GANC: variants seen among roughly 807,000 people sequenced by gnomAD.
GANC encodes the protein glucosidase alpha, neutral C, also known as neutral alpha-glucosidase C.
Under a neutral mutation model 124.2 loss-of-function variants are expected in GANC, and 117 were observed. The ratio of observed to expected loss-of-function variants is 0.94; its 90% CI spans 0.81 to 1.10. GANC has a LOEUF of 1.10. Ranked by LOEUF, GANC falls within the 50% of genes least tolerant of loss-of-function variation. The pLI is 0.00. For synonymous variants in GANC, 377 were observed against 376.8 expected, an observed-to-expected ratio of 1.00 and a Z score of -0.01; for missense variants, 1,140 against 1,095.0, an observed-to-expected ratio of 1.04 and a Z score of -0.58.
chr15:42,317,830 A>G (rs2052121764), intron 10 of GANC, among the ~76,000 whole-genome samples: 1 of 151,946 alleles, frequency 6.6e-6, no homozygotes, highest in Admixed American at 6.5e-5. Context: ...GCTACATTCA[A>G]CATTGTTATT....
At chr15:42,324,896 A>G (rs1454722865) in intron 11 of GANC, among the ~76,000 whole-genome samples, 1 of 152,158 alleles carries the variant, frequency 6.6e-6, no homozygotes, top group Non-Finnish European at 1.5e-5. Flanking sequence ...GACTGTACAT[A>G]CTTAACAGTA....
rs142331307 is a variant in GANC, at chr15:42,321,843, T to G, written c.1116T>G (p.Tyr372Ter). ...SLGYHQCRWNYEDEQDVKAVD... is the reference protein window; with the variant it reads ...SLGYHQCRWN ...GATACCACCAGTGCCGCTGGAACTATGAAGATGAGCAGGATGTAAAAGCAG... is the reference window on the plus strand; with the variant it reads ...GATACCACCAGTGCCGCTGGAACTAGGAAGATGAGCAGGATGTAAAAGCAG... The change falls in exon 11 of 24, where the codon TAT (tyrosine) becomes TAG (stop). Residue 372 changes from tyrosine to a stop codon, truncating the protein, a stop_gained. Coordinates refer to ENST00000318010, the MANE Select transcript of GANC (RefSeq NM_198141.3). LOFTEE classifies it high-confidence loss of function. 1.2e-6 allele frequency: 2 copies of G among 1,614,086 alleles called. No individual in the cohort carries two copies. Among genetic ancestry groups the G allele is most frequent in the African/African-American group, 2.7e-5 (2 of 74,944 alleles).
At chr15:42,303,633 T>C (rs556523167) in intron 6 of GANC, among the ~76,000 whole-genome samples, 1 of 114,196 alleles carries the variant, frequency 8.8e-6, no homozygotes, top group South Asian at 2.6e-4. Flanking sequence ...GAGACACCCA[T>C]AGGCTCAAAA....
rs2052458279 is a variant in GANC, at chr15:42,352,521, G to A, written c.*382G>A. On this transcript the variant is annotated 3_prime_UTR_variant, in exon 24 of 24. Coordinates refer to ENST00000318010, the MANE Select transcript of GANC (RefSeq NM_198141.3). ...TTGCCTCAGGCCATGCAGCATTGGC[G>A]CTCTGGCTGCAGCAGCTGAGTTGCT... 1.4e-5 allele frequency: 15 copies of A among 1,036,348 alleles called. No individual in the cohort carries two copies. Among genetic ancestry groups the A allele is most frequent in the Middle Eastern group, 4.8e-4 (1 of 2,088 alleles). The allele number at this position is 1,036,348 out of a possible 1,614,324, so 64.2% of individuals were successfully genotyped here.
At chr15:42,326,531 G>T (rs2052200083) in intron 12 of GANC, 107 bp downstream of exon 12, 2 of 1,536,528 alleles carry the variant, frequency 1.3e-6, no homozygotes, top group Non-Finnish European at 1.8e-6. Flanking sequence ...TGCTCCTCTA[G>T]CTACATTTTA....
At chr15:42,313,888 G>A in intron 10 of GANC, 1 of 579,676 alleles carries the variant, frequency 1.7e-6, no homozygotes. Context: ...CCAGAGAAAG[G>A]CTGCAGTAAG....
At chr15:42,283,743 A>G (rs1419578911) in intron 3 of GANC, 2 of 702,388 alleles carry the variant, frequency 2.8e-6, no homozygotes, top group East Asian at 2.7e-5. Context: ...GCTTTGCCCA[A>G]CCAGCCACCT....
Position 42,352,542 on chromosome 15 carries a change from T to G in GANC, c.*403T>G. ...TGGCGCTCTGGCTGCAGCAGCTGAG[T>G]TGCTCAAGGCCAGTGTCCAAGTGGA... On this transcript the variant is annotated 3_prime_UTR_variant, in exon 24 of 24. Transcript: ENST00000318010. 1 of 1,031,556 alleles carries G rather than the reference T, an allele frequency of 9.7e-7. No individual in the cohort carries two copies. The highest frequency in any genetic ancestry group is 1.7e-5 in the African/African-American group (1 of 59,274). 63.9% of individuals were successfully genotyped at this position (1,031,556 alleles called of 1,614,324 possible).
In GANC at chr15:42,330,650, C is replaced by G; in HGVS notation, c.1719C>G (p.Phe573Leu). ...GACCCTTTGTTCTTACACGTTCTTTCTTTGCTGGATCACAAAAGTATGGTA... is the reference window on the plus strand; with the variant it reads ...GACCCTTTGTTCTTACACGTTCTTTGTTTGCTGGATCACAAAAGTATGGTA... ...KERPFVLTRS[F>L]FAGSQKYGAV... Residue 573 changes from phenylalanine (F) to leucine (L), a missense_variant, in exon 15 of 24, where the codon TTC (phenylalanine) becomes TTG (leucine). Phe to Leu is a conservative substitution (Grantham distance 22, BLOSUM62 0). Coordinates refer to ENST00000318010, the MANE Select transcript of GANC (RefSeq NM_198141.3). The G allele has an allele frequency of 6.2e-7, 1 of 1,607,496 alleles. No homozygotes were observed. Among genetic ancestry groups the G allele is most frequent in the Non-Finnish European group, 8.5e-7 (1 of 1,178,184 alleles).
At chr15:42,280,881 T>G (rs771995425) in intron 3 of GANC, 2 of 693,416 alleles carry the variant, frequency 2.9e-6, no homozygotes, top group South Asian at 3.0e-5. Context: ...GTTTCTCTTT[T>G]TGGATCCTGA....
chr15:42,328,739 A>G (rs2052216607), intron 13 of GANC, among the ~76,000 whole-genome samples: 3 of 152,246 alleles, frequency 2.0e-5, no homozygotes, highest in Admixed American at 1.3e-4. Flanking sequence ...AGAAAAGACC[A>G]GGGATTCTAC....
intron 6 of GANC, among the ~76,000 whole-genome samples, chr15:42,302,276 C>T (rs8040554): frequency 2.9e-3 from 442 of 152,188 alleles, no homozygotes; most frequent in African/African-American, 9.7e-3. Flanking sequence ...ACTGTTAGAA[C>T]GAAAACTAAC....
At chr15:42,342,599 AAAAAAG>A (rs1566961624) in intron 18 of GANC, among the ~76,000 whole-genome samples, 2 of 151,900 alleles carry the variant, frequency 1.3e-5, no homozygotes, top group African/African-American at 2.4e-5. Flanking sequence ...TAAGGAAAAA[AAAAAAG>A]AAAAAGAAAA....
intron 6 of GANC, among the ~76,000 whole-genome samples, chr15:42,303,670 G>GAAAAAAAAAAAAAAAA (rs150074091): frequency 7.8e-6 from 1 of 128,576 alleles, no homozygotes. Context: ...TATTTACCAA[G>GAAAAAAAAAAAAAAAA]AAAAAAAAAA....
At chr15:42,282,401 A>C (rs1337695164) in intron 3 of GANC, among the ~76,000 whole-genome samples, 2 of 152,236 alleles carry the variant, frequency 1.3e-5, no homozygotes, top group South Asian at 4.1e-4. Flanking sequence ...AGGAGATTGC[A>C]CATTAAGATA....
Position 42,353,256 on chromosome 15 carries a change from C to A in GANC, c.*1117C>A. The A allele has an allele frequency of 1.0e-6, 1 of 986,156 alleles. No homozygotes were observed. Among genetic ancestry groups the A allele is most frequent in the Non-Finnish European group, 1.2e-6 (1 of 830,116 alleles). The allele number at this position is 986,156 out of a possible 1,614,324, so 61.1% of individuals were successfully genotyped here. A position where few individuals can be genotyped will look rare whatever the true frequency, so the allele number is the denominator to read the frequency against. On this transcript the variant is annotated 3_prime_UTR_variant, in exon 24 of 24. Transcript: ENST00000318010. ...CAGCACTCCTCAGCACACACCTCTT[C>A]TTATCAGGCTTCCTCCACTTAGCAA...
intron 10 of GANC, among the ~76,000 whole-genome samples, chr15:42,320,598 G>A (rs536456466): frequency 3.8e-4 from 57 of 151,748 alleles, no homozygotes; most frequent in African/African-American, 1.3e-3. Flanking sequence ...ACAGGTGCCC[G>A]CCACCACACC....
chr15:42,353,285 G>C lies in GANC; in HGVS notation c.*1146G>C. 1 of 986,048 alleles carries C rather than the reference G, an allele frequency of 1.0e-6. No individual in the cohort carries two copies. The highest frequency in any genetic ancestry group is 1.2e-6 in the Non-Finnish European group (1 of 830,078). The allele number at this position is 986,048 out of a possible 1,614,324, so 61.1% of individuals were successfully genotyped here. ...TCAGGCTTCCTCCACTTAGCAACTT[G>C]CTAACGGCCACCTCTGTGCCTTCTG... On this transcript the variant is annotated 3_prime_UTR_variant, in exon 24 of 24. Coordinates refer to ENST00000318010, the MANE Select transcript of GANC (RefSeq NM_198141.3).
chr15:42,289,956 G>GCAGC (rs1566950556), intron 4 of GANC, among the ~76,000 whole-genome samples: 3 of 152,166 alleles, frequency 2.0e-5, no homozygotes, highest in Non-Finnish European at 4.4e-5. Context: ...TAGTGATAAG[G>GCAGC]CAGCCATCTG....
Sources: allele counts gnomAD v4.1 joint callset (sites outside exome capture counted in the v4.1 genomes callset), GRCh38; gene constraint gnomAD v4.1.1; transcripts MANE v1.5; gene names NCBI Gene and HGNC (gene_info 2026-07-23, HGNC 2026-07-21).